ACAD11: variants seen among roughly 807,000 people sequenced by gnomAD.
ACAD11 encodes the protein acyl-Coenzyme A dehydrogenase family, member 11.
A neutral mutation model predicts 102.2 loss-of-function variants in ACAD11; 83 were observed. The observed-to-expected ratio is 0.81, with a 90% confidence interval of 0.68 to 0.97. ACAD11 has a LOEUF of 0.97. Ranked by LOEUF, ACAD11 falls within the 50% of genes least tolerant of loss-of-function variation. ACAD11 has a pLI of 0.00. For synonymous variants in ACAD11, 324 were observed against 319.8 expected (o/e 1.01, Z -0.14); for missense variants, 901 against 951.7 (o/e 0.95, Z 0.70).
intron 1 of ACAD11, among the ~76,000 whole-genome samples, chr3:132,653,413 C>T (rs1007743727): frequency 1.3e-5 from 2 of 152,174 alleles, no homozygotes; most frequent in African/African-American, 4.8e-5. Flanking sequence ...CCAAAGTCTG[C>T]AGAAGGACGT....
chr3:132,622,937 G>T (rs887952356), intron 9 of ACAD11, among the ~76,000 whole-genome samples: 1 of 152,286 alleles, frequency 6.6e-6, no homozygotes, highest in South Asian at 2.1e-4. Context: ...GACTCAGCAG[G>T]AAAGTATGAT....
chr3:132,575,836 G>T lies in ACAD11; in HGVS notation c.1937C>A (p.Ala646Asp), dbSNP rs36121581. ...CMRTVGLAER[A>D]LQIMCERATQ... ...TGCCCGCTCACACATGATCTGCAAA[G>T]CGCGTTCCGCCAAACCTACTGTTCT... is the stretch of plus-strand genomic sequence containing the variant. Residue 646 changes from alanine (A) to aspartate (D), a missense_variant, in exon 17 of 20, where the codon GCT becomes GAT. By Grantham distance (126) the Ala-to-Asp change is moderately radical (BLOSUM62 -2). Transcript: ENST00000264990. 2.0e-3 allele frequency: 3,285 copies of T among 1,614,046 alleles called. 8 individuals carry two copies. The highest frequency in any genetic ancestry group is 2.1e-3 in the Non-Finnish European group (2,513 of 1,179,996).
intron 13 of ACAD11, among the ~76,000 whole-genome samples, chr3:132,590,828 G>A (rs1279079990): frequency 6.6e-6 from 1 of 152,146 alleles, no homozygotes; most frequent in Admixed American, 6.5e-5. Flanking sequence ...TTCTGTTCAT[G>A]TCATTCGCCC....
At chr3:132,594,335 A>G (rs1247337815) in intron 13 of ACAD11, among the ~76,000 whole-genome samples, 1 of 152,216 alleles carries the variant, frequency 6.6e-6, no homozygotes, top group Non-Finnish European at 1.5e-5. Flanking sequence ...TCTATAAAAG[A>G]GTATCAAGAT....
chr3:132,628,801 T>C (rs140402494), intron 7 of ACAD11, among the ~76,000 whole-genome samples: 167 of 152,284 alleles, frequency 1.1e-3, no homozygotes, highest in Admixed American at 2.5e-3. Context: ...AAAAATAAGA[T>C]TTAAAAAACT....
intron 12 of ACAD11, 123 bp downstream of exon 12, chr3:132,604,971 TACTC>T (rs1294699594): frequency 1.7e-6 from 1 of 587,218 alleles, no homozygotes; most frequent in African/African-American, 1.9e-5. Context: ...AAAATAAACA[TACTC>T]ACATTTTTGG....
At chr3:132,644,596 A>G (rs1343058646) in intron 2 of ACAD11, among the ~76,000 whole-genome samples, 4 of 152,176 alleles carry the variant, frequency 2.6e-5, no homozygotes, top group African/African-American at 7.2e-5. Context: ...TTAATAGCCT[A>G]AAGATAGACT....
At chr3:132,649,082 T>G (rs1940825942) in intron 1 of ACAD11, among the ~76,000 whole-genome samples, 1 of 152,352 alleles carries the variant, frequency 6.6e-6, no homozygotes, top group Non-Finnish European at 1.5e-5. Flanking sequence ...AGGGGCACAA[T>G]GCACTGCGGA....
At position 132,641,596 on chromosome 3, in the gene ACAD11, A is replaced by AG. The variant is rs1559973732; in HGVS notation, c.537+375dup. Among the ~76,000 whole-genome samples, 980 of 117,262 alleles carry AG rather than the reference A, an allele frequency of 8.4e-3. 6 individuals carry two copies. The highest frequency in any genetic ancestry group is 0.012 in the Non-Finnish European group (739 of 60,642). The allele number at this position is 117,262 out of a possible 152,430, so 76.9% of individuals were successfully genotyped here. ...AAGAAGAAGAAGAAGAAGAAGAAGA[A>AG]GAAGAAGAGGAGGAAGAAGAGGAGG... On this transcript the variant is annotated intron_variant, in intron 4 of 19. Coordinates refer to ENST00000264990, the MANE Select transcript of ACAD11 (RefSeq NM_032169.5).
In ACAD11 at chr3:132,578,796, C is replaced by T. The variant is rs1284748252; in HGVS notation, c.1774G>A (p.Asp592Asn). The change falls in exon 15 of 20, where the codon GAT (aspartate) becomes AAT (asparagine). Residue 592 changes from aspartate to asparagine, a missense_variant and splice_region_variant. Asp to Asn is a conservative substitution (Grantham distance 23). Transcript: ENST00000264990. ...IRPLSVFGYT[D>N]NFHGGHFEIH... Reference sequence around the variant, plus strand: ...ATGGTCATATTTATTGGATACCTACCTGTGTAGCCAAAAACTGACAAAGGC... The same window carrying T: ...ATGGTCATATTTATTGGATACCTACTTGTGTAGCCAAAAACTGACAAAGGC... 2 of 1,612,198 alleles carry T rather than the reference C, an allele frequency of 1.2e-6. No homozygotes were observed. The highest frequency in any genetic ancestry group is 4.5e-5 in the East Asian group (2 of 44,754).
chr3:132,615,264 T>C (rs1939359633), intron 11 of ACAD11, among the ~76,000 whole-genome samples: 1 of 152,214 alleles, frequency 6.6e-6, no homozygotes, highest in African/African-American at 2.4e-5. Flanking sequence ...GAAGACAGTA[T>C]GGTGATTCCT....
At chr3:132,640,074 T>C (rs899371917) in intron 4 of ACAD11, among the ~76,000 whole-genome samples, 1 of 151,242 alleles carries the variant, frequency 6.6e-6, no homozygotes, top group Non-Finnish European at 1.5e-5. Context: ...AAGTAACCCC[T>C]GAAAAAGGGA....
intron 12 of ACAD11, among the ~76,000 whole-genome samples, chr3:132,603,874 C>T (rs1938721518): frequency 1.3e-5 from 2 of 152,208 alleles, no homozygotes; most frequent in African/African-American, 2.4e-5. Context: ...CACTTCAGAA[C>T]TGTCTAGCTC....
chr3:132,609,402 A>T (rs939296542), intron 11 of ACAD11, among the ~76,000 whole-genome samples: 21 of 152,212 alleles, frequency 1.4e-4, no homozygotes, highest in African/African-American at 5.1e-4. Context: ...AGACTAATAA[A>T]GAAAAGAGAA....
In ACAD11 at chr3:132,609,861, T is replaced by A. The variant is rs373101566; in HGVS notation, c.1415-4656A>T. Among the ~76,000 whole-genome samples the A allele has an allele frequency of 2.0e-4, 30 of 152,224 alleles. No individual in the cohort carries two copies. The East Asian group carries it at 4.8e-3, about 24-fold the overall frequency. ...TTCAGGCCAATATACCTGATGAACATCGAAGTGAAAATCCTCAATAAAATA... is the reference window on the plus strand; with the variant it reads ...TTCAGGCCAATATACCTGATGAACAACGAAGTGAAAATCCTCAATAAAATA... On this transcript the variant is annotated intron_variant, in intron 11 of 19. Coordinates refer to ENST00000264990, the MANE Select transcript of ACAD11 (RefSeq NM_032169.5).
chr3:132,637,901 C>T (rs921004903), intron 5 of ACAD11, among the ~76,000 whole-genome samples: 1 of 152,104 alleles, frequency 6.6e-6, no homozygotes, highest in African/African-American at 2.4e-5. Context: ...ATTAAACATG[C>T]TGTTGTTTTA....
intron 19 of ACAD11, 108 bp downstream of exon 19, chr3:132,559,725 C>A: frequency 1.2e-6 from 1 of 828,278 alleles, no homozygotes; most frequent in South Asian, 1.7e-5. Flanking sequence ...TTCATTTAGC[C>A]TTCAATTACA....
chr3:132,613,641 G>C (rs998028251), intron 11 of ACAD11, among the ~76,000 whole-genome samples: 9 of 152,098 alleles, frequency 5.9e-5, no homozygotes, highest in African/African-American at 2.2e-4. Flanking sequence ...GCTCACGCCT[G>C]TAATCCCAGC....
At chr3:132,594,937 A>G (rs1381719648) in intron 13 of ACAD11, among the ~76,000 whole-genome samples, 3 of 152,204 alleles carry the variant, frequency 2.0e-5, no homozygotes, top group Non-Finnish European at 2.9e-5. Context: ...TGTGTCAGGT[A>G]TTATTCTTGG....
Sources: allele counts gnomAD v4.1 joint callset (sites outside exome capture counted in the v4.1 genomes callset), GRCh38; gene constraint gnomAD v4.1.1; transcripts MANE v1.5; gene names NCBI Gene and HGNC (gene_info 2026-07-23, HGNC 2026-07-21).